Variants in KIAA1671 observed in about 807,000 individuals in gnomAD.
The protein encoded by KIAA1671 is KIAA1671.
In KIAA1671, 52 loss-of-function variants were observed where a neutral mutation model predicts 131.2. The observed-to-expected ratio is 0.40, with a 90% CI of 0.32 to 0.50. The LOEUF is 0.50. KIAA1671 is among the 20% of genes least tolerant of loss of function. The pLI is 0.73. For missense variants in KIAA1671, 2,360 were observed against 2,364.2 expected (o/e 1.00, Z 0.04); for synonymous variants, 1,003 against 961.6 (o/e 1.04, Z -0.80).
chr22:24,983,134 A>C (rs1923318883), intron 1 of KIAA1671, among the ~76,000 whole-genome samples: 1 of 152,170 alleles, frequency 6.6e-6, no homozygotes, highest in African/African-American at 2.4e-5. Flanking sequence ...GAAGACCAGG[A>C]TGCTTTGAAG....
chr22:25,087,997 C>T lies in KIAA1671; in HGVS notation c.4530+38633C>T, dbSNP rs561081306. 2.1e-4 allele frequency among the ~76,000 whole-genome samples: 32 copies of T among 152,230 alleles called. 1 individual carries two copies. Among genetic ancestry groups the T allele is most frequent in the South Asian group, 8.3e-4 (4 of 4,822 alleles). The stretch of plus-strand genomic sequence containing the variant: ...AAATGAGATGCTGGGTATAAATTGG[C>T]TAGCATGGAGTAGTTGGTGCTCTGT... On this transcript the variant is annotated intron_variant, in intron 6 of 12. Transcript: ENST00000358431.
intron 1 of KIAA1671, among the ~76,000 whole-genome samples, chr22:24,989,870 CA>C: frequency 6.6e-6 from 1 of 151,760 alleles, no homozygotes; most frequent in East Asian, 1.9e-4. Context: ...GAGATTTGAA[CA>C]AAAAAAGGCT....
At chr22:25,023,049 CA>C (rs1366739164) in intron 1 of KIAA1671, 6 of 151,562 alleles carry the variant, frequency 4.0e-5, no homozygotes, top group South Asian at 2.1e-4. Context: ...ACTAAAAATA[CA>C]AAAAAAAATT....
intron 5 of KIAA1671, among the ~76,000 whole-genome samples, chr22:25,047,624 C>T (rs1204710687): frequency 6.6e-6 from 1 of 152,158 alleles, no homozygotes; most frequent in African/African-American, 2.4e-5. Flanking sequence ...AGGCGCTCGC[C>T]ACCATGCCTG....
At chr22:25,022,248 C>A (rs1422802857) in intron 1 of KIAA1671, among the ~76,000 whole-genome samples, 1 of 152,210 alleles carries the variant, frequency 6.6e-6, no homozygotes, top group African/African-American at 2.4e-5. Context: ...CTGATAAGCT[C>A]TCAGATCGAA....
At chr22:25,165,581 A>T (rs974875450) in intron 6 of KIAA1671, among the ~76,000 whole-genome samples, 2 of 152,140 alleles carry the variant, frequency 1.3e-5, no homozygotes, top group Non-Finnish European at 2.9e-5. Context: ...GGGGAACTGA[A>T]TTCTTAGTAT....
intron 6 of KIAA1671, among the ~76,000 whole-genome samples, chr22:25,093,720 C>T (rs1216888807): frequency 0.012 from 1,592 of 127,482 alleles, 248 homozygotes; most frequent in African/African-American, 0.06. Context: ...CACACACACA[C>T]ACACACACAC....
chr22:25,162,928 C>G (rs541366317), intron 6 of KIAA1671, among the ~76,000 whole-genome samples: 3 of 150,640 alleles, frequency 2.0e-5, no homozygotes, highest in Non-Finnish European at 4.4e-5. Flanking sequence ...TGACTAAGAG[C>G]CTGTTTCTGA....
chr22:24,969,400 TGTAA>T (rs907797390), intron 1 of KIAA1671, among the ~76,000 whole-genome samples: 39 of 152,176 alleles, frequency 2.6e-4, no homozygotes, highest in African/African-American at 8.7e-4. Context: ...CCTAATCCAA[TGTAA>T]GTGTTAGGTA....
chr22:25,189,457 G>A (rs181671885), intron 11 of KIAA1671, among the ~76,000 whole-genome samples: 32 of 152,164 alleles, frequency 2.1e-4, no homozygotes, highest in Admixed American at 2.0e-3. Context: ...ACGGGCGTGA[G>A]CCACCGTGCC....
chr22:25,069,380 C>T (rs917051987), intron 6 of KIAA1671, among the ~76,000 whole-genome samples: 9 of 152,250 alleles, frequency 5.9e-5, no homozygotes, highest in African/African-American at 7.2e-5. Context: ...TGGATTTGCC[C>T]GAGGTGTGCT....
Position 25,153,725 on chromosome 22 carries a change from C to A in KIAA1671, c.4531-17095C>A, listed in dbSNP as rs555849328. On this transcript the variant is annotated intron_variant, in intron 6 of 12. Coordinates refer to ENST00000358431, the MANE Select transcript of KIAA1671 (RefSeq NM_001145206.2). Reference sequence around the variant, plus strand: ...CCAAACGCCTAGAGTCCTGGGCACTCGGATGTTGCCCTACATTGAGAAATG... The same window carrying A: ...CCAAACGCCTAGAGTCCTGGGCACTAGGATGTTGCCCTACATTGAGAAATG... Among the ~76,000 whole-genome samples the A allele has an allele frequency of 3.3e-5, 5 of 152,314 alleles. No individual in the cohort carries two copies. The East Asian group carries it at 9.7e-4, about 29-fold the overall frequency.
intron 6 of KIAA1671, among the ~76,000 whole-genome samples, chr22:25,168,270 C>A (rs1311469974): frequency 6.6e-6 from 1 of 152,230 alleles, no homozygotes; most frequent in Non-Finnish European, 1.5e-5. Context: ...GTTGCAGAAT[C>A]CTAGAGCCTG....
intron 1 of KIAA1671, among the ~76,000 whole-genome samples, chr22:24,966,878 C>T (rs1020482386): frequency 1.3e-5 from 2 of 152,134 alleles, no homozygotes; most frequent in Non-Finnish European, 2.9e-5. Flanking sequence ...ATAGCTTGAG[C>T]CAGGGAGGTT....
At chr22:25,121,239 G>A (rs188024464) in intron 6 of KIAA1671, among the ~76,000 whole-genome samples, 146 of 152,174 alleles carry the variant, frequency 9.6e-4, no homozygotes, top group Non-Finnish European at 1.4e-3. Flanking sequence ...GAGGCGGGCG[G>A]ATCACAAGGT....
At position 25,150,569 on chromosome 22, in the gene KIAA1671, T is replaced by C. The variant is rs527439545; in HGVS notation, c.4531-20251T>C. Among the ~76,000 whole-genome samples the C allele has an allele frequency of 2.9e-3, 441 of 152,220 alleles. 1 individual carries two copies. The highest frequency in any genetic ancestry group is 5.2e-3 in the Non-Finnish European group (356 of 68,008). On this transcript the variant is annotated intron_variant, in intron 6 of 12. Coordinates refer to ENST00000358431, the MANE Select transcript of KIAA1671 (RefSeq NM_001145206.2). Reference sequence around the variant, plus strand: ...CCCAACACCCTTCTCTAAGGCCTAATCTGCCTGCTCCTCACCTGGACTCTA... The same window carrying C: ...CCCAACACCCTTCTCTAAGGCCTAACCTGCCTGCTCCTCACCTGGACTCTA...
At chr22:25,017,169 G>C (rs7291847) in intron 1 of KIAA1671, among the ~76,000 whole-genome samples, 64,020 of 151,564 alleles carry the variant, frequency 0.42, 13,402 homozygotes, top group Middle Eastern at 0.48. Flanking sequence ...GATCACCTGA[G>C]GTCAGGAGTT....
intron 1 of KIAA1671, among the ~76,000 whole-genome samples, chr22:24,990,677 G>A (rs535374504): frequency 3.9e-5 from 6 of 152,374 alleles, no homozygotes; most frequent in South Asian, 4.1e-4. Context: ...ACCTGCTCAC[G>A]TCCTGGCCTT....
intron 6 of KIAA1671, among the ~76,000 whole-genome samples, chr22:25,075,689 G>A (rs1929065526): frequency 6.6e-6 from 1 of 150,806 alleles, no homozygotes; most frequent in Non-Finnish European, 1.5e-5. Context: ...AGTAGAGATG[G>A]GGTTTCACCG....
Sources: gnomAD v4.1 joint callset for allele counts (sites outside exome capture counted in the v4.1 genomes callset) on GRCh38, gnomAD v4.1.1 for gene constraint, MANE v1.5 for transcripts, NCBI Gene and HGNC (gene_info 2026-07-23, HGNC 2026-07-21) for gene names.